The following DNMT3A variants were observed in gnomAD, a reference collection of about 807,000 sequenced individuals.
DNMT3A encodes DNA methyltransferase 3 alpha.
In DNMT3A, 267 loss-of-function variants were observed where a neutral mutation model predicts 117.6. The observed-to-expected ratio is 2.27, with a 90% CI of 2.05 to 2.51. The LOEUF (loss-of-function observed/expected upper bound fraction) is 2.51, where lower values mean the gene tolerates loss of function less well. Among genes scored for constraint, DNMT3A ranks in the 30% most tolerant of loss-of-function variants. The pLI is 0.00. For synonymous variants in DNMT3A, 432 were observed against 474.8 expected, an observed-to-expected ratio of 0.91 and a Z score of 1.17; for missense variants, 1,029 against 1,260.2, an observed-to-expected ratio of 0.82 and a Z score of 2.78.
intron 3 of DNMT3A, among the ~76,000 whole-genome samples, chr2:25,285,429 A>C (rs1461335167): frequency 6.6e-6 from 1 of 152,250 alleles, no homozygotes; most frequent in Non-Finnish European, 1.5e-5. Flanking sequence ...CACAGGGAGC[A>C]GCCGGAGAGG....
intron 4 of DNMT3A, among the ~76,000 whole-genome samples, chr2:25,278,551 T>G (rs1238617018): frequency 6.6e-6 from 1 of 152,206 alleles, no homozygotes; most frequent in Non-Finnish European, 1.5e-5. Flanking sequence ...CCAGGCTGAG[T>G]GCAGTGGCTC....
At position 25,265,054 on chromosome 2, in the gene DNMT3A, G is replaced by A. The variant is rs558019133; in HGVS notation, c.639+9887C>T. ...GCTAAGGAGGGGCAGAAGCTGAGACGAGAAACCAGGCCTCCCAAATCTCAT... is the reference window on the plus strand; with the variant it reads ...GCTAAGGAGGGGCAGAAGCTGAGACAAGAAACCAGGCCTCCCAAATCTCAT... On this transcript the variant is annotated intron_variant, in intron 6 of 22. Transcript: ENST00000321117. Among the ~76,000 whole-genome samples the A allele has an allele frequency of 9.2e-5, 14 of 152,180 alleles. 1 individual carries two copies. The highest frequency in any genetic ancestry group is 4.6e-4 in the Admixed American group (7 of 15,280).
At chr2:25,248,840 G>A (rs763320973) in intron 6 of DNMT3A, among the ~76,000 whole-genome samples, 1 of 152,050 alleles carries the variant, frequency 6.6e-6, no homozygotes, top group Non-Finnish European at 1.5e-5. Flanking sequence ...GAGCCACTGT[G>A]TCTAGCCTAC....
intron 13 of DNMT3A, 96 bp downstream of exon 13, chr2:25,245,157 G>A (rs1674589859): frequency 3.4e-6 from 4 of 1,193,196 alleles, no homozygotes; most frequent in Middle Eastern, 1.9e-4. Context: ...CACACCGGGT[G>A]TCACCCTGTA....
intron 6 of DNMT3A, among the ~76,000 whole-genome samples, chr2:25,256,035 T>C (rs984803742): frequency 2.6e-5 from 4 of 152,168 alleles, no homozygotes; most frequent in Non-Finnish European, 5.9e-5. Flanking sequence ...TGCGAGTCTC[T>C]CTACTCTGAA....
chr2:25,270,592 G>A (rs1326435957), intron 6 of DNMT3A, among the ~76,000 whole-genome samples: 1 of 152,144 alleles, frequency 6.6e-6, no homozygotes, highest in Non-Finnish European at 1.5e-5. Context: ...AGGAGGGGAG[G>A]TGCCTTTTTT....
chr2:25,238,769 C>T (rs946204674), intron 20 of DNMT3A, among the ~76,000 whole-genome samples: 1 of 152,198 alleles, frequency 6.6e-6, no homozygotes, highest in African/African-American at 2.4e-5. Flanking sequence ...CCCTTCCCAG[C>T]CCCAAAGCCA....
At position 25,231,397 on chromosome 2, in the gene DNMT3A, T is replaced by G. The variant is rs1672881427; in HGVS notation, c.*2882A>C. On this transcript the variant is annotated 3_prime_UTR_variant, in exon 23 of 23. Coordinates refer to ENST00000321117, the MANE Select transcript of DNMT3A (RefSeq NM_022552.5). The stretch of plus-strand genomic sequence containing the variant: ...TGACAGGAAGCAACTGGGCATGATC[T>G]TAAACACCAATCTGTCGAGGAGACA... 6.6e-6 allele frequency: 1 copy of G among 152,178 alleles called. No individual in the cohort carries two copies. The highest frequency in any genetic ancestry group is 2.4e-5 in the African/African-American group (1 of 41,444). 9.4% of individuals were successfully genotyped at this position (152,178 alleles called of 1,614,324 possible).
In DNMT3A at chr2:25,272,895, G is replaced by A. The variant is rs565806240; in HGVS notation, c.639+2046C>T. 1.3e-4 allele frequency among the ~76,000 whole-genome samples: 19 copies of A among 149,474 alleles called. No homozygotes were observed. The East Asian group carries it at 1.4e-3, about 11-fold the overall frequency. On this transcript the variant is annotated intron_variant, in intron 6 of 22. Coordinates refer to ENST00000321117, the MANE Select transcript of DNMT3A (RefSeq NM_022552.5). ...CGCCTCACCGCAACCTCCACCTGTC[G>A]GGTTCAAGCAATTCTCCTGCCTCAG...
intron 1 of DNMT3A, chr2:25,314,384 G>C: frequency 2.0e-6 from 2 of 985,296 alleles, no homozygotes; most frequent in Non-Finnish European, 1.2e-6. Flanking sequence ...TCTCCCCTCC[G>C]TGTCGCTGCG....
chr2:25,342,071 C>T (rs946148672), upstream of DNMT3A, among the ~76,000 whole-genome samples: 1 of 142,566 alleles, frequency 7.0e-6, no homozygotes, highest in Non-Finnish European at 1.6e-5. The surrounding 1 kb of genome is among the most constrained non-coding windows in gnomAD (Gnocchi z 5.9). Flanking sequence ...TCCCTCCGGC[C>T]GCCCGCGGGC....
intron 6 of DNMT3A, among the ~76,000 whole-genome samples, chr2:25,259,894 T>C (rs143615861): frequency 2.2e-4 from 33 of 152,206 alleles, no homozygotes; most frequent in African/African-American, 8.0e-4. Context: ...ACCCCTGCCA[T>C]CTCCATCCGA....
At position 25,311,463 on chromosome 2, in the gene DNMT3A, C is replaced by T. The variant is rs573460841; in HGVS notation, c.72+2450G>A. Among the ~76,000 whole-genome samples, 2 of 152,254 alleles carry T rather than the reference C, an allele frequency of 1.3e-5. No homozygotes were observed. The highest frequency in any genetic ancestry group is 2.1e-4 in the South Asian group (1 of 4,824). On this transcript the variant is annotated intron_variant, in intron 2 of 22. Coordinates refer to ENST00000321117, the MANE Select transcript of DNMT3A (RefSeq NM_022552.5). The surrounding 1 kb of genome is among the most constrained non-coding windows in gnomAD (Gnocchi z 5.2). ...GAAGTGTGCCAGGTGAGCCAGCATG[C>T]GTGGTGTAGGTGTGGGCGGCTGGGG...
At chr2:25,309,030 G>A (rs1285438583) in intron 2 of DNMT3A, among the ~76,000 whole-genome samples, 1 of 151,530 alleles carries the variant, frequency 6.6e-6, no homozygotes, top group African/African-American at 2.4e-5. Flanking sequence ...CATAAGTGCT[G>A]TGTTTCCCCA....
rs776966073 is a variant in DNMT3A at position 25,235,832 on chromosome 2, G to T, written c.2479-7C>A. On this transcript the variant is annotated splice_polypyrimidine_tract_variant and splice_region_variant and intron_variant, in intron 21 of 22. Transcript: ENST00000321117. ...TGGTCCTCACTTTGCTGAACTAGAT[G>T]AAGAGGAGAAAAGAGGAATAAGCAC... 9 of 1,609,938 alleles carry T rather than the reference G, an allele frequency of 5.6e-6. No individual in the cohort carries two copies. The East Asian group carries it at 1.6e-4, about 28-fold the overall frequency.
At chr2:25,245,991 G>A (rs777924039) in intron 12 of DNMT3A, 29 bp downstream of exon 12, 10 of 1,613,522 alleles carry the variant, frequency 6.2e-6, no homozygotes, top group Non-Finnish European at 8.5e-6. Flanking sequence ...CACACTAGGA[G>A]TGCCAGAGTT....
In DNMT3A at chr2:25,236,357, A is replaced by G. The variant is rs993217750; in HGVS notation, c.2479-532T>C. ...TGGGATTATAGGCGTGAGCCACCGC[A>G]CCCGGCCTAGCCACAGACTTTAGAA... On this transcript the variant is annotated intron_variant, in intron 21 of 22. Transcript: ENST00000321117. The surrounding 1 kb of genome is among the most constrained non-coding windows in gnomAD (Gnocchi z 4.5). 1.3e-5 allele frequency among the ~76,000 whole-genome samples: 2 copies of G among 152,024 alleles called. No individual in the cohort carries two copies. The highest frequency in any genetic ancestry group is 4.8e-5 in the African/African-American group (2 of 41,390).
At chr2:25,260,625 G>A (rs1282409861) in intron 6 of DNMT3A, among the ~76,000 whole-genome samples, 1 of 152,164 alleles carries the variant, frequency 6.6e-6, no homozygotes, top group Non-Finnish European at 1.5e-5. Context: ...AAAGAGGAAC[G>A]GGGAAGAGCT....
rs559403433 is a variant in DNMT3A at position 25,337,980 on chromosome 2, G to C, written c.-178+3846C>G. ...AACAAAAGTAGAAGCTATTCCCCGA[G>C]GGCCGCAGCATGGGGAATGGCATTG... is the stretch of plus-strand genomic sequence containing the variant. On this transcript the variant is annotated intron_variant, in intron 1 of 22. Coordinates refer to ENST00000321117, the MANE Select transcript of DNMT3A (RefSeq NM_022552.5). The surrounding 1 kb of genome is among the most constrained non-coding windows in gnomAD (Gnocchi z 5.0). 2.0e-5 allele frequency among the ~76,000 whole-genome samples: 3 copies of C among 152,322 alleles called. No individual in the cohort carries two copies. The highest frequency in any genetic ancestry group is 3.9e-4 in the East Asian group (2 of 5,184).
Sources: allele counts gnomAD v4.1 joint callset (sites outside exome capture counted in the v4.1 genomes callset), GRCh38; gene constraint gnomAD v4.1.1; non-coding constraint Gnocchi (gnomAD v3.1); transcripts MANE v1.5; gene names NCBI Gene and HGNC (gene_info 2026-07-23, HGNC 2026-07-21).